Variants in CGNL1 observed in about 807,000 individuals in gnomAD.
The protein encoded by CGNL1 is cingulin like 1, also known as cingulin-like protein 1.
CGNL1 carries 132 observed loss-of-function variants against 141.2 expected under a neutral mutation model. The observed-to-expected ratio is 0.93, with a 90% CI of 0.81 to 1.08. The LOEUF (loss-of-function observed/expected upper bound fraction) is 1.08, where lower values mean the gene tolerates loss of function less well. Among genes scored for constraint, CGNL1 ranks in the 50% least tolerant of loss-of-function variants. CGNL1 has a pLI of 0.00. For synonymous variants in CGNL1, 690 were observed against 622.1 expected, an observed-to-expected ratio of 1.11 and a Z score of -1.63; for missense variants, 1,870 against 1,588.6, an observed-to-expected ratio of 1.18 and a Z score of -3.01.
chr15:57,418,819 A>C (rs1228971188), intron 1 of CGNL1, among the ~76,000 whole-genome samples: 1 of 151,836 alleles, frequency 6.6e-6, no homozygotes, highest in East Asian at 1.9e-4. Flanking sequence ...GAATGATGTG[A>C]GTTTCTCTGC....
intron 1 of CGNL1, among the ~76,000 whole-genome samples, chr15:57,413,968 C>T (rs769987717): frequency 1.3e-5 from 2 of 152,122 alleles, no homozygotes; most frequent in Non-Finnish European, 2.9e-5. Flanking sequence ...GGCTATGGAT[C>T]TCATGAAGTT....
chr15:57,438,370 A>C lies in CGNL1; in HGVS notation c.371A>C (p.Glu124Ala), dbSNP rs1237936921. Residue 124 changes from glutamate to alanine, a missense_variant, in exon 2 of 19, where the codon GAG (glutamate) becomes GCG (alanine). Glu to Ala is a moderately radical substitution (Grantham distance 107). Coordinates refer to ENST00000281282, the MANE Select transcript of CGNL1 (RefSeq NM_032866.5). ...AACCTGAAACAGCCCCTGCTCCATG[A>C]GGGCAAGAATGGAGTTCTAGATCGC... ...IRNLKQPLLH[E>A]GKNGVLDRKD... 3 of 1,614,048 alleles carry C rather than the reference A, an allele frequency of 1.9e-6. No homozygotes were observed. Among genetic ancestry groups the C allele is most frequent in the Non-Finnish European group, 2.5e-6 (3 of 1,180,048 alleles).
intron 8 of CGNL1, among the ~76,000 whole-genome samples, chr15:57,473,979 G>A (rs549634654): frequency 1.5e-5 from 2 of 131,998 alleles, no homozygotes; most frequent in South Asian, 2.7e-4. Context: ...GTGTGATCTT[G>A]GCTCAGTTGC....
intron 8 of CGNL1, among the ~76,000 whole-genome samples, chr15:57,492,733 T>A (rs2063884369): frequency 6.6e-6 from 1 of 151,650 alleles, no homozygotes; most frequent in Non-Finnish European, 1.5e-5. Flanking sequence ...CTCAGGGGAA[T>A]TAAAGCTTCT....
intron 8 of CGNL1, among the ~76,000 whole-genome samples, chr15:57,477,116 G>C (rs1318453715): frequency 1.3e-5 from 2 of 152,144 alleles, no homozygotes; most frequent in African/African-American, 4.8e-5. Context: ...GAAACATTGA[G>C]TCCCCTTACA....
chr15:57,524,216 C>G (rs59330779), intron 11 of CGNL1, among the ~76,000 whole-genome samples: 2,327 of 152,302 alleles, frequency 0.015, 68 homozygotes, highest in African/African-American at 0.053. Context: ...TTATCTGTAT[C>G]TGTGGATACT....
At chr15:57,541,138 C>A (rs143451712) in intron 14 of CGNL1, among the ~76,000 whole-genome samples, 3 of 152,344 alleles carry the variant, frequency 2.0e-5, no homozygotes, top group Admixed American at 6.5e-5. Flanking sequence ...TGCTTAGGAG[C>A]CTGTATCCCA....
Position 57,447,816 on chromosome 15 carries a change from G to T in CGNL1, c.1804-3684G>T, listed in dbSNP as rs541624688. Among the ~76,000 whole-genome samples, 45 of 109,334 alleles carry T rather than the reference G, an allele frequency of 4.1e-4. 2 individuals are homozygous for T. In the South Asian group the frequency reaches 0.011, roughly 26 times the overall value. The allele number at this position is 109,334 out of a possible 152,430, so 71.7% of individuals were successfully genotyped here. A position where few individuals can be genotyped will look rare whatever the true frequency, so the allele number is the denominator to read the frequency against. Reference sequence around the variant, plus strand: ...ATTCTCTCTCTTTTCGTGTGTGTGTGTGTGTGTGTGTGTGTGTGTGTGTGT... The same window carrying T: ...ATTCTCTCTCTTTTCGTGTGTGTGTTTGTGTGTGTGTGTGTGTGTGTGTGT... On this transcript the variant is annotated intron_variant, in intron 4 of 18. Coordinates refer to ENST00000281282, the MANE Select transcript of CGNL1 (RefSeq NM_032866.5).
chr15:57,389,496 C>G (rs1382680732), intron 1 of CGNL1, among the ~76,000 whole-genome samples: 1 of 152,192 alleles, frequency 6.6e-6, no homozygotes, highest in Admixed American at 6.5e-5. Context: ...TCAACACAGA[C>G]CCTTCCCTCT....
intron 17 of CGNL1, 49 bp downstream of exon 17, chr15:57,545,749 A>C: frequency 6.7e-7 from 1 of 1,488,646 alleles, no homozygotes; most frequent in Non-Finnish European, 9.2e-7. Flanking sequence ...TGCGTGTCTC[A>C]GGCTGAGGGA....
At chr15:57,418,337 T>G (rs2062873418) in intron 1 of CGNL1, among the ~76,000 whole-genome samples, 1 of 152,182 alleles carries the variant, frequency 6.6e-6, no homozygotes, top group Admixed American at 6.5e-5. Flanking sequence ...ATGCCTCATT[T>G]TTTGGTACTC....
At chr15:57,537,639 G>A (rs2032333437) in intron 14 of CGNL1, among the ~76,000 whole-genome samples, 1 of 152,136 alleles carries the variant, frequency 6.6e-6, no homozygotes, top group Non-Finnish European at 1.5e-5. Context: ...GTTCAGTATT[G>A]TTATTGGCCA....
intron 1 of CGNL1, among the ~76,000 whole-genome samples, chr15:57,416,201 T>TG (rs56035655): frequency 0.59 from 81,463 of 138,700 alleles, 22,450 homozygotes; most frequent in Middle Eastern, 0.65. Flanking sequence ...CTCAGTGTTT[T>TG]TTTTTTTTTT....
chr15:57,503,979 G>A (rs1449990053), intron 8 of CGNL1, among the ~76,000 whole-genome samples: 3 of 152,090 alleles, frequency 2.0e-5, no homozygotes, highest in African/African-American at 7.2e-5. Context: ...GGGTATTCAC[G>A]GTTATTGAGC....
chr15:57,536,860 C>T (rs1390917474), intron 14 of CGNL1, among the ~76,000 whole-genome samples: 2 of 152,170 alleles, frequency 1.3e-5, no homozygotes, highest in Non-Finnish European at 2.9e-5. Context: ...TGCCTATTCC[C>T]ATCGTCCCTG....
At chr15:57,535,203 A>C (rs1464873338) in intron 14 of CGNL1, among the ~76,000 whole-genome samples, 1 of 152,310 alleles carries the variant, frequency 6.6e-6, no homozygotes, top group South Asian at 2.1e-4. Flanking sequence ...GCAGTGCTCT[A>C]TCTACCCGTG....
At chr15:57,515,504 T>C (rs544104035) in intron 8 of CGNL1, among the ~76,000 whole-genome samples, 5 of 152,320 alleles carry the variant, frequency 3.3e-5, no homozygotes, top group Admixed American at 6.5e-5. Context: ...CCTGGGCCTT[T>C]CTTTTATCGC....
At chr15:57,482,293 A>T (rs750099361) in intron 8 of CGNL1, among the ~76,000 whole-genome samples, 17 of 152,228 alleles carry the variant, frequency 1.1e-4, no homozygotes, top group Non-Finnish European at 2.4e-4. Flanking sequence ...TTTAGTTTTG[A>T]TGAAGTCCAA....
At chr15:57,493,940 C>T (rs1939221893) in intron 8 of CGNL1, among the ~76,000 whole-genome samples, 1 of 152,158 alleles carries the variant, frequency 6.6e-6, no homozygotes, top group Admixed American at 6.5e-5. Flanking sequence ...AGTCCAGATC[C>T]CCAAGAGAAC....
Sources: gnomAD v4.1 joint callset for allele counts (sites outside exome capture counted in the v4.1 genomes callset) on GRCh38, gnomAD v4.1.1 for gene constraint, MANE v1.5 for transcripts, NCBI Gene and HGNC (gene_info 2026-07-23, HGNC 2026-07-21) for gene names.